TENM1: variants seen among roughly 807,000 people sequenced by gnomAD.
The protein encoded by TENM1 is teneurin transmembrane protein 1.
In TENM1, 35 loss-of-function variants were observed where a neutral mutation model predicts 174.8. The ratio of observed to expected loss-of-function variants is 0.20; its 90% CI spans 0.15 to 0.27. The LOEUF (loss-of-function observed/expected upper bound fraction) is 0.27, where lower values mean the gene tolerates loss of function less well. Ranked by LOEUF, TENM1 falls within the 10% of genes least tolerant of loss-of-function variation. TENM1 has a pLI of 1.00. For missense variants in TENM1, 1,633 were observed against 2,130.1 expected, an observed-to-expected ratio of 0.77 and a Z score of 4.59; for synonymous variants, 781 against 798.7, an observed-to-expected ratio of 0.98 and a Z score of 0.37.
chrX:124,707,995 C>A (rs1320804741), intron 4 of TENM1, among the ~76,000 whole-genome samples: 1 of 112,219 alleles, frequency 8.9e-6, no homozygotes, highest in Non-Finnish European at 1.9e-5. Context: ...ATGAGCAGAT[C>A]AGGATAATTA....
rs373202849 is a variant in TENM1 at position 124,881,735 on chromosome X, G to GT, written c.535+12560dup. Among the ~76,000 whole-genome samples the GT allele has an allele frequency of 7.3e-3, 702 of 96,623 alleles. 3 individuals carry two copies. Among genetic ancestry groups the GT allele is most frequent in the African/African-American group, 0.015 (395 of 26,718 alleles). The allele number at this position is 96,623 out of a possible 115,157, so 83.9% of individuals were successfully genotyped here. ...GTTGTTGTTGTTGTTGTTTTGTTTT[G>GT]TTTTTTTTTTTTAGACAGAGTTTTG... is the stretch of plus-strand genomic sequence containing the variant. On this transcript the variant is annotated intron_variant, in intron 3 of 31. Coordinates refer to ENST00000422452, the Ensembl canonical transcript of TENM1.
chrX:124,870,832 CAT>C (rs926546827), intron 3 of TENM1, among the ~76,000 whole-genome samples: 37 of 111,015 alleles, frequency 3.3e-4, no homozygotes, highest in African/African-American at 1.2e-3. Flanking sequence ...AGAGTCGACT[CAT>C]ATATTTTGTC....
At chrX:124,587,904 G>C (rs866472699) in intron 11 of TENM1, among the ~76,000 whole-genome samples, 1,283 of 111,967 alleles carry the variant, frequency 0.011, 21 homozygotes, top group African/African-American at 0.039. Flanking sequence ...CTTCTCAAAA[G>C]AAGACATTTA....
intron 11 of TENM1, among the ~76,000 whole-genome samples, chrX:124,606,974 G>A (rs1432475268): frequency 9.1e-6 from 1 of 110,348 alleles, no homozygotes; most frequent in South Asian, 3.9e-4. Flanking sequence ...GAAGGAGGGA[G>A]AGGCAGAAGA....
chrX:124,584,767 C>T (rs1274683251), intron 11 of TENM1, among the ~76,000 whole-genome samples: 6 of 111,263 alleles, frequency 5.4e-5, no homozygotes, highest in African/African-American at 6.6e-5. Flanking sequence ...CAAGATCCAT[C>T]GGTGTGCTTT....
At chrX:124,690,484 AGTGTGTGTGTGT>A (rs58386633) in intron 5 of TENM1, among the ~76,000 whole-genome samples, 25 of 93,481 alleles carry the variant, frequency 2.7e-4, no homozygotes, top group Admixed American at 1.3e-3. Flanking sequence ...GCTTTGTTAG[AGTGTGTGTGTGT>A]GTGTGTGTGT....
the TENM1 span, among the ~76,000 whole-genome samples, chrX:125,150,880 A>C: frequency 8.9e-6 from 1 of 112,499 alleles, no homozygotes; most frequent in Non-Finnish European, 1.9e-5. Context: ...AAATTGCTTC[A>C]GTGAGATCGT....
chrX:124,563,109 C>T (rs148938012), intron 13 of TENM1, among the ~76,000 whole-genome samples: 1,633 of 110,974 alleles, frequency 0.015, 30 homozygotes, highest in African/African-American at 0.05. Context: ...AATGGATAGG[C>T]AATAGATAAT....
At position 124,602,566 on chromosome X, in the gene TENM1, T is replaced by C. The variant is rs747501625; in HGVS notation, c.2078-37006A>G. On this transcript the variant is annotated intron_variant, in intron 11 of 31. Transcript: ENST00000422452. ...GTAAGCAAGACTTAGGTAGGGTGGCTGTTGGGAGTCTTAGGCAGAATGAAG... is the reference window on the plus strand; with the variant it reads ...GTAAGCAAGACTTAGGTAGGGTGGCCGTTGGGAGTCTTAGGCAGAATGAAG... Among the ~76,000 whole-genome samples the C allele has an allele frequency of 1.6e-3, 173 of 110,649 alleles. 1 individual carries two copies. Among genetic ancestry groups the C allele is most frequent in the African/African-American group, 5.4e-3 (165 of 30,491 alleles).
chrX:124,413,699 C>G (rs896856940), intron 25 of TENM1, among the ~76,000 whole-genome samples: 1 of 112,445 alleles, frequency 8.9e-6, no homozygotes, highest in East Asian at 2.8e-4. Context: ...AGGGTGTCAA[C>G]TCTCTATTTC....
At chrX:125,003,641 A>G in the TENM1 span, among the ~76,000 whole-genome samples, 1 of 111,056 alleles carries the variant, frequency 9.0e-6, no homozygotes, top group African/African-American at 3.3e-5. Context: ...TTTTTACCAA[A>G]TTTGAAAGGG....
intron 18 of TENM1, among the ~76,000 whole-genome samples, chrX:124,504,690 C>T (rs1370701551): frequency 9.0e-6 from 1 of 111,457 alleles, no homozygotes; most frequent in African/African-American, 3.3e-5. Flanking sequence ...CTTTCGAGTA[C>T]CTGCCTCTGC....
chrX:124,781,483 T>C (rs2054911114), intron 3 of TENM1, among the ~76,000 whole-genome samples: 1 of 112,212 alleles, frequency 8.9e-6, no homozygotes, highest in African/African-American at 3.2e-5. Flanking sequence ...AATACTCTAC[T>C]TTATTTTCCT....
chrX:125,030,041 T>A, the TENM1 span, among the ~76,000 whole-genome samples: 1 of 112,479 alleles, frequency 8.9e-6, no homozygotes, highest in Non-Finnish European at 1.9e-5. Flanking sequence ...TAAGTGACCA[T>A]CTACAGTATA....
the TENM1 span, among the ~76,000 whole-genome samples, chrX:124,978,833 T>C: frequency 8.9e-6 from 1 of 112,195 alleles, no homozygotes; most frequent in Non-Finnish European, 1.9e-5. Context: ...GCTTTTCATG[T>C]CTCCACTGTG....
intron 22 of TENM1, among the ~76,000 whole-genome samples, chrX:124,468,090 A>G (rs1470531832): frequency 8.9e-6 from 1 of 111,733 alleles, no homozygotes; most frequent in Non-Finnish European, 1.9e-5. Flanking sequence ...TCAACTGGTT[A>G]GAAAAGTCAG....
chrX:124,923,724 A>G (rs1385762571), intron 1 of TENM1, among the ~76,000 whole-genome samples: 4 of 112,318 alleles, frequency 3.6e-5, no homozygotes. Context: ...GAAGTATCAA[A>G]GAATGTATGA....
At chrX:124,529,176 T>A (rs1375041596) in intron 16 of TENM1, among the ~76,000 whole-genome samples, 1 of 112,051 alleles carries the variant, frequency 8.9e-6, no homozygotes, top group Non-Finnish European at 1.9e-5. Flanking sequence ...TAGGTACCTT[T>A]AAGCTGGACA....
chrX:124,978,678 T>G, the TENM1 span, among the ~76,000 whole-genome samples: 3 of 111,853 alleles, frequency 2.7e-5, no homozygotes, highest in Non-Finnish European at 5.6e-5. Flanking sequence ...TTGTGGCTGG[T>G]CAATGATTGC....
Sources: gnomAD v4.1 joint callset for allele counts (sites outside exome capture counted in the v4.1 genomes callset) on GRCh38, gnomAD v4.1.1 for gene constraint, MANE v1.5 for transcripts, NCBI Gene and HGNC (gene_info 2026-07-23, HGNC 2026-07-21) for gene names.